Variants in GPC5 observed in about 807,000 individuals in gnomAD.
The protein encoded by GPC5 is glypican 5, also known as glypican-5.
A neutral mutation model predicts 53.9 loss-of-function variants in GPC5; 47 were observed. That is an observed-to-expected ratio of 0.87 (90% CI 0.69 to 1.11). GPC5 has a LOEUF of 1.11. GPC5 is among the 50% of genes most tolerant of loss of function. GPC5 has a pLI of 0.00. For synonymous variants in GPC5, 286 were observed against 263.3 expected (o/e 1.09, Z -0.84); for missense variants, 748 against 713.1 (o/e 1.05, Z -0.56).
At chr13:91,603,286 G>A (rs990592795) in intron 2 of GPC5, among the ~76,000 whole-genome samples, 1 of 152,220 alleles carries the variant, frequency 6.6e-6, no homozygotes, top group Non-Finnish European at 1.5e-5. Context: ...TAGTGTCCTT[G>A]TGCTGCCAGC....
chr13:92,382,958 G>A (rs1434423360), intron 7 of GPC5, among the ~76,000 whole-genome samples: 2 of 142,746 alleles, frequency 1.4e-5, no homozygotes, highest in Non-Finnish European at 3.0e-5. Context: ...AGCCGAGATC[G>A]TGCCACTGCA....
At chr13:91,892,275 T>G (rs1335276466) in intron 5 of GPC5, among the ~76,000 whole-genome samples, 1 of 151,952 alleles carries the variant, frequency 6.6e-6, no homozygotes, top group Non-Finnish European at 1.5e-5. Context: ...TTCTCTTTTC[T>G]TTTCAACTCT....
chr13:92,127,279 A>G (rs908648794), intron 6 of GPC5, among the ~76,000 whole-genome samples: 3 of 151,552 alleles, frequency 2.0e-5, no homozygotes, highest in Admixed American at 6.6e-5. Flanking sequence ...ATATATGTGT[A>G]TATATATATG....
At chr13:91,838,498 G>T (rs943473682) in intron 5 of GPC5, among the ~76,000 whole-genome samples, 4 of 151,984 alleles carry the variant, frequency 2.6e-5, no homozygotes, top group Non-Finnish European at 5.9e-5. Flanking sequence ...TTTACAGAGT[G>T]AAGGGAAGAG....
At chr13:91,399,314 T>A in intron 1 of GPC5, 105 bp downstream of exon 1, 1 of 1,320,386 alleles carries the variant, frequency 7.6e-7, no homozygotes, top group Non-Finnish European at 1.0e-6. Context: ...TTTCGGGCCC[T>A]GCAGCCGCGC....
chr13:92,432,664 G>C (rs1877145737), intron 7 of GPC5, among the ~76,000 whole-genome samples: 2 of 151,654 alleles, frequency 1.3e-5, no homozygotes. Flanking sequence ...TGTGAGCCAT[G>C]ACGCCTGGCC....
In GPC5 at chr13:92,526,348, G is replaced by C. The variant is rs374677985; in HGVS notation, c.1562-339934G>C. Among the ~76,000 whole-genome samples the C allele has an allele frequency of 9.2e-5, 14 of 152,206 alleles. No individual in the cohort carries two copies. In the East Asian group the frequency reaches 2.5e-3, roughly 27 times the overall value. ...TGTGCTTTCATAACCTGAGGTCAGA[G>C]TGCTCCTGGCACTCACTAACTCCAT... On this transcript the variant is annotated intron_variant, in intron 7 of 7. Coordinates refer to ENST00000377067, the MANE Select transcript of GPC5 (RefSeq NM_004466.6).
intron 7 of GPC5, among the ~76,000 whole-genome samples, chr13:92,432,357 G>T (rs368845474): frequency 1.9e-4 from 21 of 111,364 alleles, no homozygotes; most frequent in African/African-American, 6.0e-4. Flanking sequence ...TTGGTGGTGG[G>T]TTTTTTTTTT....
At chr13:92,598,599 G>C (rs1350193675) in intron 7 of GPC5, among the ~76,000 whole-genome samples, 1 of 152,082 alleles carries the variant, frequency 6.6e-6, no homozygotes, top group Non-Finnish European at 1.5e-5. Flanking sequence ...TGAATTTACT[G>C]TTTGTTTTTA....
intron 7 of GPC5, among the ~76,000 whole-genome samples, chr13:92,546,796 C>T (rs1461379763): frequency 1.3e-5 from 2 of 152,194 alleles, no homozygotes; most frequent in East Asian, 1.9e-4. Flanking sequence ...ACCAAAACAG[C>T]ATGGTACTGC....
chr13:92,835,081 A>G (rs931766882), intron 7 of GPC5, among the ~76,000 whole-genome samples: 8 of 152,054 alleles, frequency 5.3e-5, no homozygotes, highest in African/African-American at 1.9e-4. Flanking sequence ...TACTCACCAA[A>G]TGAGTATCTC....
At chr13:92,077,678 C>T (rs989010919) in intron 6 of GPC5, among the ~76,000 whole-genome samples, 5 of 152,082 alleles carry the variant, frequency 3.3e-5, no homozygotes, top group African/African-American at 1.2e-4. Context: ...ACAGGTTGTA[C>T]GGTGCACAGA....
chr13:91,854,264 G>T (rs1427617331), intron 5 of GPC5, among the ~76,000 whole-genome samples: 1 of 151,464 alleles, frequency 6.6e-6, no homozygotes, highest in Non-Finnish European at 1.5e-5. Context: ...AGTTTTTGTG[G>T]GTACATAATA....
chr13:91,815,763 G>A (rs373000998), intron 5 of GPC5, among the ~76,000 whole-genome samples: 15 of 152,124 alleles, frequency 9.9e-5, no homozygotes, highest in Non-Finnish European at 1.5e-4. Flanking sequence ...TTTCTGTTTC[G>A]TTTCCACATA....
chr13:91,974,225 C>T (rs907368487), intron 6 of GPC5, among the ~76,000 whole-genome samples: 2 of 152,162 alleles, frequency 1.3e-5, no homozygotes, highest in African/African-American at 4.8e-5. Context: ...GGGATGACCT[C>T]TCTCACCGCT....
chr13:91,705,670 G>T (rs2036083469), intron 3 of GPC5, among the ~76,000 whole-genome samples: 2 of 150,588 alleles, frequency 1.3e-5, no homozygotes, highest in Non-Finnish European at 2.9e-5. Flanking sequence ...TCTCTTACTT[G>T]GGTGGAGAAG....
chr13:92,714,725 A>G (rs371799428), intron 7 of GPC5, among the ~76,000 whole-genome samples: 30 of 152,272 alleles, frequency 2.0e-4, no homozygotes, highest in East Asian at 1.9e-3. Context: ...TCCACATCCC[A>G]TATAACAACT....
At chr13:92,749,186 C>T (rs1250482325) in intron 7 of GPC5, among the ~76,000 whole-genome samples, 1 of 152,082 alleles carries the variant, frequency 6.6e-6, no homozygotes, top group Non-Finnish European at 1.5e-5. Flanking sequence ...AATAACATAG[C>T]TTATTTAGAC....
chr13:92,112,703 G>A (rs548929931), intron 6 of GPC5, among the ~76,000 whole-genome samples: 1 of 152,148 alleles, frequency 6.6e-6, no homozygotes, highest in South Asian at 2.1e-4. Flanking sequence ...TCATAGGATT[G>A]TAACAGTCAT....
Sources: gnomAD v4.1 joint callset for allele counts (sites outside exome capture counted in the v4.1 genomes callset) on GRCh38, gnomAD v4.1.1 for gene constraint, MANE v1.5 for transcripts, NCBI Gene and HGNC (gene_info 2026-07-23, HGNC 2026-07-21) for gene names.